TMTC4: variants seen among roughly 807,000 people sequenced by gnomAD.
TMTC4 encodes protein O-mannosyl-transferase TMTC4.
Under a neutral mutation model 86.0 loss-of-function variants are expected in TMTC4, and 65 were observed. The ratio of observed to expected loss-of-function variants is 0.76; its 90% CI spans 0.62 to 0.93. The LOEUF (loss-of-function observed/expected upper bound fraction) is 0.93, where lower values mean the gene tolerates loss of function less well. Ranked by LOEUF, TMTC4 falls within the 40% of genes least tolerant of loss-of-function variation. The pLI is 0.00. For missense variants in TMTC4, 866 were observed against 948.1 expected (o/e 0.91, Z 1.14); for synonymous variants, 379 against 382.5 (o/e 0.99, Z 0.11).
intron 6 of TMTC4, among the ~76,000 whole-genome samples, chr13:100,648,508 T>C (rs919710339): frequency 6.6e-6 from 1 of 152,198 alleles, no homozygotes; most frequent in Non-Finnish European, 1.5e-5. Flanking sequence ...TTCGATTGCA[T>C]GGCAGTGTCT....
chr13:100,623,901 G>A, intron 15 of TMTC4: 1 of 497,770 alleles, frequency 2.0e-6, no homozygotes, highest in South Asian at 1.5e-5. Context: ...GGTGATGGAG[G>A]GGACTAAATT....
At chr13:100,670,978 C>A (rs185831296) in intron 1 of TMTC4, among the ~76,000 whole-genome samples, 1 of 152,132 alleles carries the variant, frequency 6.6e-6, no homozygotes, top group Admixed American at 6.5e-5. Flanking sequence ...CCCAACAAAG[C>A]CAAATACTGA....
chr13:100,615,321 T>A (rs1203680106), intron 15 of TMTC4, among the ~76,000 whole-genome samples: 1 of 151,770 alleles, frequency 6.6e-6, no homozygotes, highest in East Asian at 1.9e-4. Context: ...CTATTTTGAG[T>A]AGAGACGGGG....
At chr13:100,626,267 A>C in intron 12 of TMTC4, 117 bp from the exon 13 acceptor site, 1 of 1,068,852 alleles carries the variant, frequency 9.4e-7, no homozygotes, top group Non-Finnish European at 1.4e-6. Context: ...AAAATCACCC[A>C]CCAGAACTTT....
intron 15 of TMTC4, among the ~76,000 whole-genome samples, chr13:100,619,860 G>A (rs1425918238): frequency 6.6e-6 from 1 of 152,164 alleles, no homozygotes; most frequent in Non-Finnish European, 1.5e-5. Flanking sequence ...TGAGTCACTT[G>A]GACAAAATCC....
intron 3 of TMTC4, 44 bp downstream of exon 3, chr13:100,668,535 C>G (rs1377520110): frequency 1.3e-6 from 2 of 1,571,700 alleles, no homozygotes; most frequent in Non-Finnish European, 1.7e-6. Context: ...TACTGAGACA[C>G]AGTTGGGCAG....
chr13:100,665,597 G>A (rs1028855913), intron 3 of TMTC4, among the ~76,000 whole-genome samples: 3 of 152,186 alleles, frequency 2.0e-5, no homozygotes, highest in South Asian at 4.1e-4. Context: ...ACAGGTGGGC[G>A]CACCTGATGG....
intron 2 of TMTC4, 38 bp from the exon 3 acceptor site, chr13:100,668,832 A>C (rs1393684629): frequency 1.9e-6 from 3 of 1,601,000 alleles, no homozygotes; most frequent in East Asian, 2.2e-5. Context: ...ATTCATCAAC[A>C]CTGGTAGGAC....
chr13:100,659,946 G>A (rs756226592), intron 5 of TMTC4, among the ~76,000 whole-genome samples: 1 of 148,564 alleles, frequency 6.7e-6, no homozygotes, highest in Non-Finnish European at 1.5e-5. Flanking sequence ...AAATTCAGGT[G>A]CTTATTTGCA....
intron 16 of TMTC4, among the ~76,000 whole-genome samples, chr13:100,613,504 T>C (rs1877961053): frequency 6.7e-6 from 1 of 149,588 alleles, no homozygotes; most frequent in Non-Finnish European, 1.5e-5. Context: ...AAGTGTAGAC[T>C]GAGGGGGCTC....
chr13:100,636,545 C>A lies in TMTC4; in HGVS notation c.1189G>T (p.Gly397Cys). ...LICQALCSED[G>C]HKRRILTLGL... ...GCTGCCTCTTACCTTCTCTTGTGGC[C>A]GTCTTCAGAGCACAGGGCTTGGCAT... Residue 397 changes from glycine to cysteine, a missense_variant, in exon 10 of 19, where the codon GGC becomes TGC. Physicochemically the swap from Gly to Cys is radical, Grantham distance 159. Coordinates refer to ENST00000342624, the MANE Select transcript of TMTC4 (RefSeq NM_032813.5). The A allele has an allele frequency of 1.9e-6, 3 of 1,614,156 alleles. No homozygotes were observed. In the South Asian group the frequency reaches 3.3e-5, roughly 18 times the overall value.
At chr13:100,669,797 A>C (rs1473036748) in intron 2 of TMTC4, among the ~76,000 whole-genome samples, 1 of 151,982 alleles carries the variant, frequency 6.6e-6, no homozygotes, top group African/African-American at 2.4e-5. Flanking sequence ...CATTCCCACC[A>C]CATCCTGGAC....
At position 100,640,238 on chromosome 13, in the gene TMTC4, A is replaced by G. The variant is rs1882837163; in HGVS notation, c.741+1973T>C. 2.0e-5 allele frequency among the ~76,000 whole-genome samples: 3 copies of G among 151,940 alleles called. No homozygotes were observed. In the South Asian group the frequency reaches 6.2e-4, roughly 32 times the overall value. ...TAGGTTGTCACAATTGAGAGGTCCC[A>G]CTGGCATCTAGTAGGTGGAGACCAG... On this transcript the variant is annotated intron_variant, in intron 7 of 18. Coordinates refer to ENST00000342624, the MANE Select transcript of TMTC4 (RefSeq NM_032813.5).
intron 12 of TMTC4, among the ~76,000 whole-genome samples, chr13:100,633,742 G>A (rs890001280): frequency 4.6e-5 from 7 of 152,202 alleles, no homozygotes; most frequent in Non-Finnish European, 8.8e-5. Flanking sequence ...GGTCTAGCCC[G>A]CTGCTCCTAG....
intron 5 of TMTC4, among the ~76,000 whole-genome samples, chr13:100,662,380 C>T (rs943903872): frequency 1.3e-5 from 2 of 151,778 alleles, no homozygotes; most frequent in South Asian, 2.1e-4. Flanking sequence ...AAGTCCTGCC[C>T]GACATCCACT....
intron 15 of TMTC4, among the ~76,000 whole-genome samples, chr13:100,622,457 G>A (rs567404404): frequency 3.9e-5 from 6 of 152,296 alleles, no homozygotes; most frequent in African/African-American, 1.4e-4. Flanking sequence ...TGTTGTGGGA[G>A]GGACCTGGTG....
rs989119866 is a variant in TMTC4 at position 100,605,714 on chromosome 13, A to G, written c.2135-572T>C. On this transcript the variant is annotated intron_variant, in intron 18 of 18. Coordinates refer to ENST00000342624, the MANE Select transcript of TMTC4 (RefSeq NM_032813.5). This position sits in a 1 kb window ranked among gnomAD's most constrained non-coding sequence, Gnocchi z 4.3. ...ATTTTGTTAGTAAAATTAACTTTCT[A>G]TATGGGCAGAAGAGCATCTGTGGAC... 6.6e-6 allele frequency among the ~76,000 whole-genome samples: 1 copy of G among 152,190 alleles called. No homozygotes were observed. The highest frequency in any genetic ancestry group is 2.4e-5 in the African/African-American group (1 of 41,442).
intron 15 of TMTC4, among the ~76,000 whole-genome samples, chr13:100,617,415 T>C (rs1394661894): frequency 6.6e-6 from 1 of 152,220 alleles, no homozygotes; most frequent in Non-Finnish European, 1.5e-5. Context: ...GGAATACAGG[T>C]GTGAGCCACT....
intron 17 of TMTC4, among the ~76,000 whole-genome samples, chr13:100,609,680 TACACAC>T (rs60083702): frequency 6.6e-6 from 1 of 150,716 alleles, no homozygotes; most frequent in African/African-American, 2.4e-5. Context: ...TGTATATATA[TACACAC>T]ACACACACAC....
Sources: allele counts gnomAD v4.1 joint callset (sites outside exome capture counted in the v4.1 genomes callset), GRCh38; gene constraint gnomAD v4.1.1; non-coding constraint Gnocchi (gnomAD v3.1); transcripts MANE v1.5; gene names NCBI Gene and HGNC (gene_info 2026-07-23, HGNC 2026-07-21).